MACROD2: variants seen among roughly 807,000 people sequenced by gnomAD.
MACROD2 encodes ADP-ribose glycohydrolase MACROD2.
A neutral mutation model predicts 70.4 loss-of-function variants in MACROD2; 36 were observed. The ratio of observed to expected loss-of-function variants is 0.51; its 90% confidence interval spans 0.39 to 0.68. MACROD2 has a LOEUF of 0.68. MACROD2 is among the 30% of genes least tolerant of loss of function. The probability of loss-of-function intolerance (pLI) is 0.00; values close to 1 mark genes in which losing one functional copy is unlikely to be tolerated. For synonymous variants in MACROD2, 172 were observed against 178.8 expected, an observed-to-expected ratio of 0.96 and a Z score of 0.30; for missense variants, 496 against 538.4, an observed-to-expected ratio of 0.92 and a Z score of 0.78.
At chr20:14,874,285 G>GATTTATTTATTT (rs1555842145) in intron 5 of MACROD2, among the ~76,000 whole-genome samples, 4 of 134,456 alleles carry the variant, frequency 3.0e-5, no homozygotes, top group Admixed American at 7.6e-5. Context: ...ATCAAATGGA[G>GATTTATTTATTT]ATTCATTTAT....
At chr20:14,622,060 C>T (rs1830001475) in intron 4 of MACROD2, 1 of 151,940 alleles carries the variant, frequency 6.6e-6, no homozygotes, top group South Asian at 2.1e-4. Context: ...AAATATTTTA[C>T]AAATACAATG....
intron 13 of MACROD2, among the ~76,000 whole-genome samples, 199 bp downstream of exon 13, chr20:15,967,829 T>C (rs1384229626): frequency 1.3e-5 from 2 of 152,172 alleles, no homozygotes; most frequent in Middle Eastern, 3.2e-3. Context: ...TCATCACTCA[T>C]TACTTTTGTG....
At chr20:15,153,732 T>C (rs573922864) in intron 5 of MACROD2, among the ~76,000 whole-genome samples, 39 of 152,202 alleles carry the variant, frequency 2.6e-4, no homozygotes, top group African/African-American at 8.9e-4. Context: ...GAAATCAGAA[T>C]TTTAGGGTAG....
At chr20:15,827,559 A>G (rs2064010575) in intron 8 of MACROD2, among the ~76,000 whole-genome samples, 1 of 152,214 alleles carries the variant, frequency 6.6e-6, no homozygotes, top group Non-Finnish European at 1.5e-5. Flanking sequence ...TGCTATGTTT[A>G]CGTACATACC....
chr20:14,089,572 A>G (rs2054121609), intron 3 of MACROD2, among the ~76,000 whole-genome samples: 1 of 152,182 alleles, frequency 6.6e-6, no homozygotes, highest in Admixed American at 6.5e-5. Context: ...TAACCTCTTT[A>G]AATGTGACCC....
chr20:15,168,867 C>A (rs1265209315), intron 5 of MACROD2, among the ~76,000 whole-genome samples: 1 of 151,956 alleles, frequency 6.6e-6, no homozygotes, highest in Non-Finnish European at 1.5e-5. Flanking sequence ...CATGAATGAA[C>A]CTTGAAAACA....
At chr20:15,596,648 A>G (rs2048749880) in intron 8 of MACROD2, among the ~76,000 whole-genome samples, 1 of 152,196 alleles carries the variant, frequency 6.6e-6, no homozygotes, top group African/African-American at 2.4e-5. Flanking sequence ...CCTTGCAGTG[A>G]TTGGCAGTGT....
chr20:14,309,937 C>T (rs1167106804), intron 3 of MACROD2, among the ~76,000 whole-genome samples: 1 of 151,986 alleles, frequency 6.6e-6, no homozygotes, highest in African/African-American at 2.4e-5. Context: ...AATTGTTTTG[C>T]GTGTGTTTCT....
chr20:15,242,446 G>A (rs1198201391), intron 6 of MACROD2, among the ~76,000 whole-genome samples: 4 of 152,104 alleles, frequency 2.6e-5, no homozygotes, highest in Admixed American at 2.6e-4. Context: ...TATATAATAA[G>A]TGTTTGAGAA....
At chr20:14,186,469 G>A (rs927327084) in intron 3 of MACROD2, among the ~76,000 whole-genome samples, 20 of 152,186 alleles carry the variant, frequency 1.3e-4, no homozygotes, top group African/African-American at 4.8e-4. Flanking sequence ...TGGCAAAAAT[G>A]CAGAGAAGAG....
At chr20:14,234,941 T>C (rs2081855122) in intron 3 of MACROD2, among the ~76,000 whole-genome samples, 1 of 152,236 alleles carries the variant, frequency 6.6e-6, no homozygotes, top group South Asian at 2.1e-4. Flanking sequence ...GAACCGTTTA[T>C]TATGTTTTCA....
chr20:15,382,478 G>A (rs1455031041), intron 6 of MACROD2, among the ~76,000 whole-genome samples: 2 of 152,090 alleles, frequency 1.3e-5, no homozygotes, highest in African/African-American at 4.8e-5. Flanking sequence ...AGAAAGCAGG[G>A]CTTCAGTACA....
chr20:14,538,966 T>C (rs1470689483), intron 4 of MACROD2, among the ~76,000 whole-genome samples: 1 of 152,230 alleles, frequency 6.6e-6, no homozygotes, highest in African/African-American at 2.4e-5. Flanking sequence ...GTTTCGCTGG[T>C]GTGTCCCTAG....
intron 15 of MACROD2, among the ~76,000 whole-genome samples, chr20:16,006,188 CTT>C (rs2066785731): frequency 6.6e-6 from 1 of 152,068 alleles, no homozygotes; most frequent in Non-Finnish European, 1.5e-5. Flanking sequence ...GCCTCCAGGG[CTT>C]TGGGACTCTA....
chr20:14,730,034 G>A (rs1005969451), intron 5 of MACROD2, among the ~76,000 whole-genome samples: 5 of 151,966 alleles, frequency 3.3e-5, no homozygotes, highest in Non-Finnish European at 5.9e-5. Flanking sequence ...AGAGCACAAC[G>A]TGGATGAACA....
intron 3 of MACROD2, among the ~76,000 whole-genome samples, chr20:14,353,548 A>G (rs2083144528): frequency 6.6e-6 from 1 of 152,118 alleles, no homozygotes; most frequent in African/African-American, 2.4e-5. Context: ...ATTTTTAACC[A>G]CAGGTAACAG....
intron 15 of MACROD2, among the ~76,000 whole-genome samples, chr20:16,014,311 A>G (rs1168638764): frequency 6.6e-6 from 1 of 152,196 alleles, no homozygotes; most frequent in East Asian, 1.9e-4. Context: ...CAAAGTTGGG[A>G]TTGGGTGTTT....
At chr20:14,943,813 A>G (rs887539979) in intron 5 of MACROD2, among the ~76,000 whole-genome samples, 1 of 152,208 alleles carries the variant, frequency 6.6e-6, no homozygotes, top group Non-Finnish European at 1.5e-5. Flanking sequence ...CTGACTTTCT[A>G]TAAGACCCCA....
At chr20:15,637,442 A>G (rs2049387216) in intron 8 of MACROD2, among the ~76,000 whole-genome samples, 1 of 152,204 alleles carries the variant, frequency 6.6e-6, no homozygotes, top group South Asian at 2.1e-4. Flanking sequence ...AAATGTCTTG[A>G]GAACTAGGAG....
Sources: gnomAD v4.1 joint callset for allele counts (sites outside exome capture counted in the v4.1 genomes callset) on GRCh38, gnomAD v4.1.1 for gene constraint, MANE v1.5 for transcripts, NCBI Gene and HGNC (gene_info 2026-07-23, HGNC 2026-07-21) for gene names.